The following PPP2R2A variants were observed in gnomAD, a reference collection of about 807,000 sequenced individuals.
The protein encoded by PPP2R2A is protein phosphatase 2 regulatory subunit Balpha, also known as serine/threonine-protein phosphatase 2A 55 kDa regulatory subunit B alpha isoform.
In PPP2R2A, 9 loss-of-function variants were observed where a neutral mutation model predicts 53.2. That is an observed-to-expected ratio of 0.17 (90% CI 0.10 to 0.30). PPP2R2A has a LOEUF of 0.30. Among genes scored for constraint, PPP2R2A ranks in the 10% least tolerant of loss-of-function variants. The probability of loss-of-function intolerance (pLI) is 1.00; values close to 1 mark genes in which losing one functional copy is unlikely to be tolerated. For synonymous variants in PPP2R2A, 169 were observed against 174.2 expected (o/e 0.97, Z 0.23); for missense variants, 235 against 534.6 (o/e 0.44, Z 5.53).
Position 26,311,217 on chromosome 8 carries a change from A to C in PPP2R2A, c.82+17477A>C, listed in dbSNP as rs185084712. Among the ~76,000 whole-genome samples the C allele has an allele frequency of 2.0e-5, 3 of 152,358 alleles. No homozygotes were observed. The East Asian group carries it at 5.8e-4, about 29-fold the overall frequency. Reference sequence around the variant, plus strand: ...AGTTTTGGCACATAGTAAGCCTCAGAACATTTAATTGATGTAGTTATTTTT... The same window carrying C: ...AGTTTTGGCACATAGTAAGCCTCAGCACATTTAATTGATGTAGTTATTTTT... On this transcript the variant is annotated intron_variant, in intron 2 of 9. Transcript: ENST00000380737.
chr8:26,334,034 T>C (rs1188209709), intron 2 of PPP2R2A, among the ~76,000 whole-genome samples: 1 of 152,212 alleles, frequency 6.6e-6, no homozygotes, highest in Non-Finnish European at 1.5e-5. Flanking sequence ...AATACTCTTA[T>C]GCCTTTTAAA....
At chr8:26,335,593 TTC>T (rs1394723928) in intron 2 of PPP2R2A, among the ~76,000 whole-genome samples, 3 of 152,228 alleles carry the variant, frequency 2.0e-5, no homozygotes, top group South Asian at 2.1e-4. Flanking sequence ...TTCTGAAACT[TTC>T]TGTTTATTGG....
chr8:26,352,702 C>A (rs1303790097), intron 3 of PPP2R2A, among the ~76,000 whole-genome samples: 10 of 152,118 alleles, frequency 6.6e-5, no homozygotes, highest in Admixed American at 6.5e-4. Context: ...TGTAAGATAC[C>A]ATGTTTAGTA....
intron 2 of PPP2R2A, among the ~76,000 whole-genome samples, chr8:26,320,807 A>G (rs1802803524): frequency 6.6e-6 from 1 of 152,196 alleles, no homozygotes; most frequent in African/African-American, 2.4e-5. Flanking sequence ...CTGGGGATTG[A>G]TGGTGTAGAT....
At position 26,354,405 on chromosome 8, in the gene PPP2R2A, A is replaced by G; in HGVS notation, c.181-63A>G. ...TGTGCAGGGTCCTTTGGAATTGATT[A>G]CATATTTGATTATTTTGAAATATTT... On this transcript the variant is annotated intron_variant, in intron 3 of 9. Coordinates refer to ENST00000380737, the MANE Select transcript of PPP2R2A (RefSeq NM_002717.4). The surrounding 1 kb of genome is among the most constrained non-coding windows in gnomAD (Gnocchi z 4.6). The G allele has an allele frequency of 7.5e-7, 1 of 1,329,526 alleles. No individual in the cohort carries two copies. Among genetic ancestry groups the G allele is most frequent in the Admixed American group, 2.3e-5 (1 of 42,666 alleles). The allele number at this position is 1,329,526 out of a possible 1,614,324, so 82.4% of individuals were successfully genotyped here.
chr8:26,306,489 A>G (rs1802029728), intron 2 of PPP2R2A, among the ~76,000 whole-genome samples: 1 of 151,660 alleles, frequency 6.6e-6, no homozygotes. Context: ...AAAAAAAAAA[A>G]AAAAAGTTTT....
At chr8:26,300,773 C>T (rs1801744522) in intron 2 of PPP2R2A, among the ~76,000 whole-genome samples, 1 of 152,174 alleles carries the variant, frequency 6.6e-6, no homozygotes, top group African/African-American at 2.4e-5. Context: ...ATTGCTTGAA[C>T]CTGGGAGGTG....
At chr8:26,353,575 AGACTT>A (rs1462700266) in intron 3 of PPP2R2A, among the ~76,000 whole-genome samples, 1 of 152,236 alleles carries the variant, frequency 6.6e-6, no homozygotes, top group African/African-American at 2.4e-5. Flanking sequence ...TCTTTGAACT[AGACTT>A]TCAAATTTTT....
At chr8:26,342,528 A>C (rs1803995351) in intron 3 of PPP2R2A, among the ~76,000 whole-genome samples, 1 of 152,290 alleles carries the variant, frequency 6.6e-6, no homozygotes, top group Non-Finnish European at 1.5e-5. Flanking sequence ...TGGGTTGCTC[A>C]GACCTTCAGT....
chr8:26,326,999 T>C (rs1004603077), intron 2 of PPP2R2A, among the ~76,000 whole-genome samples: 6 of 152,150 alleles, frequency 3.9e-5, no homozygotes, highest in Admixed American at 6.5e-5. Flanking sequence ...GCTATCAGAT[T>C]ATCCAGGAAC....
chr8:26,291,966 G>A, intron 1 of PPP2R2A, 140 bp downstream of exon 1: 1 of 1,247,224 alleles, frequency 8.0e-7, no homozygotes, highest in Non-Finnish European at 1.1e-6. Flanking sequence ...CCAGAGGGGT[G>A]GGGTGGGGGC....
chr8:26,343,375 A>ATT (rs1301786557), intron 3 of PPP2R2A, among the ~76,000 whole-genome samples: 4 of 141,450 alleles, frequency 2.8e-5, no homozygotes, highest in Non-Finnish European at 3.1e-5. Context: ...GACTTCTCAG[A>ATT]TTTTTTTTTT....
intron 2 of PPP2R2A, among the ~76,000 whole-genome samples, chr8:26,311,381 A>G (rs1802285144): frequency 6.6e-6 from 1 of 152,242 alleles, no homozygotes; most frequent in African/African-American, 2.4e-5. Context: ...CGTTACATTA[A>G]TGACTAACAT....
intron 2 of PPP2R2A, among the ~76,000 whole-genome samples, chr8:26,306,095 C>T (rs951940874): frequency 6.6e-6 from 1 of 151,904 alleles, no homozygotes; most frequent in Admixed American, 6.6e-5. Flanking sequence ...ATCGCTTGAA[C>T]CCAGGAGTTA....
intron 2 of PPP2R2A, among the ~76,000 whole-genome samples, chr8:26,301,044 A>G (rs1801760105): frequency 6.6e-6 from 1 of 152,194 alleles, no homozygotes; most frequent in Non-Finnish European, 1.5e-5. Flanking sequence ...ATACCCTGTG[A>G]AATAAGTAGA....
Position 26,362,342 on chromosome 8 carries a change from A to C in PPP2R2A, c.638-342A>C, listed in dbSNP as rs988145663. Among the ~76,000 whole-genome samples the C allele has an allele frequency of 7.1e-6, 1 of 141,092 alleles. No individual in the cohort carries two copies. The highest frequency in any genetic ancestry group is 1.6e-5 in the Non-Finnish European group (1 of 63,004). 92.6% of individuals were successfully genotyped at this position (141,092 alleles called of 152,430 possible). A position where few individuals can be genotyped will look rare whatever the true frequency, so the allele number is the denominator to read the frequency against. On this transcript the variant is annotated intron_variant, in intron 6 of 9. Coordinates refer to ENST00000380737, the MANE Select transcript of PPP2R2A (RefSeq NM_002717.4). This position sits in a 1 kb window ranked among gnomAD's most constrained non-coding sequence, Gnocchi z 4.4. ...AAACCCCGTCTCTACTAAAAATACA[A>C]AAAAAAAAAAAAATTAGTCAGTTGT...
chr8:26,308,422 C>G (rs77451724), intron 2 of PPP2R2A, among the ~76,000 whole-genome samples: 2,081 of 152,340 alleles, frequency 0.014, 32 homozygotes, highest in Non-Finnish European at 0.022. Flanking sequence ...CCTACTGCTG[C>G]TTTATCAACT....
At chr8:26,299,606 AT>A (rs989402937) in intron 2 of PPP2R2A, among the ~76,000 whole-genome samples, 1 of 152,194 alleles carries the variant, frequency 6.6e-6, no homozygotes, top group African/African-American at 2.4e-5. Flanking sequence ...ATAAGTAAAA[AT>A]TTGAAAAACA....
chr8:26,324,849 G>C (rs1239774308), intron 2 of PPP2R2A, among the ~76,000 whole-genome samples: 1 of 152,130 alleles, frequency 6.6e-6, no homozygotes, highest in African/African-American at 2.4e-5. Context: ...TGACCTGGAT[G>C]TGAGACCTGG....
Sources: gnomAD v4.1 joint callset for allele counts (sites outside exome capture counted in the v4.1 genomes callset) on GRCh38, gnomAD v4.1.1 for gene constraint, Gnocchi (gnomAD v3.1) non-coding constraint, MANE v1.5 for transcripts, NCBI Gene and HGNC (gene_info 2026-07-23, HGNC 2026-07-21) for gene names.